Variants in TTC3 observed in about 807,000 individuals in gnomAD.
TTC3 encodes the protein E3 ubiquitin-protein ligase TTC3.
TTC3 carries 180 observed loss-of-function variants against 249.6 expected under a neutral mutation model. That is an observed-to-expected ratio of 0.72 (90% confidence interval 0.64 to 0.82). TTC3 has a LOEUF of 0.82. Among genes scored for constraint, TTC3 ranks in the 40% least tolerant of loss-of-function variants. The pLI is 0.00. For missense variants in TTC3, 2,061 were observed against 2,398.4 expected, an observed-to-expected ratio of 0.86 and a Z score of 2.94; for synonymous variants, 717 against 805.0, an observed-to-expected ratio of 0.89 and a Z score of 1.85.
chr21:37,113,108 A>G (rs1250696600), intron 11 of TTC3, among the ~76,000 whole-genome samples: 1 of 152,254 alleles, frequency 6.6e-6, no homozygotes, highest in Non-Finnish European at 1.5e-5. Context: ...AAAAACTGGA[A>G]GCATTCCCTT....
intron 12 of TTC3, among the ~76,000 whole-genome samples, chr21:37,122,416 TATAATATATATATATATATATTA>T (rs895462819): frequency 2.5e-3 from 179 of 72,264 alleles, no homozygotes; most frequent in Non-Finnish European, 4.2e-3. Flanking sequence ...TATATATATA[TATAATATATATATATATATATTA>T]TATATATATA....
intron 33 of TTC3, 25 bp from the exon 34 acceptor site, chr21:37,167,530 A>C: frequency 2.1e-6 from 3 of 1,419,726 alleles, no homozygotes; most frequent in Non-Finnish European, 2.8e-6. Context: ...GATAAAGTGA[A>C]TTTTATTTTT....
intron 28 of TTC3, chr21:37,159,486 A>C (rs2080471258): frequency 1.8e-6 from 1 of 554,640 alleles, no homozygotes; most frequent in Admixed American, 3.4e-5. Flanking sequence ...CATTATGCTG[A>C]ATCAGATTGA....
At chr21:37,122,247 AT>A (rs1346392224) in intron 12 of TTC3, among the ~76,000 whole-genome samples, 1 of 151,754 alleles carries the variant, frequency 6.6e-6, no homozygotes, top group African/African-American at 2.4e-5. Context: ...AGAAAAAAAA[AT>A]CCCTTTCAGA....
intron 1 of TTC3, among the ~76,000 whole-genome samples, chr21:37,077,153 T>G (rs1216948116): frequency 6.6e-6 from 1 of 151,904 alleles, no homozygotes; most frequent in Non-Finnish European, 1.5e-5. Context: ...ATGCTGGTAA[T>G]AATTATACAT....
chr21:37,124,111 TC>T (rs1193918193), intron 13 of TTC3, among the ~76,000 whole-genome samples: 1 of 111,948 alleles, frequency 8.9e-6, no homozygotes, highest in African/African-American at 3.5e-5. Flanking sequence ...TTTGAACTGT[TC>T]TTTTTTTTTT....
intron 19 of TTC3, 130 bp downstream of exon 19, chr21:37,138,844 A>G (rs981259446): frequency 1.9e-6 from 1 of 540,100 alleles, no homozygotes. Flanking sequence ...TCTCAGTTTA[A>G]TTTAGTTTGT....
In TTC3 at chr21:37,087,815, T is replaced by TAA; in HGVS notation, c.145-17_145-16dup. ...ACATTTTACTAGACACAAATCAAAA[T>TAA]AATTTTCTTCTTTTTAGGGTGTGCA... On this transcript the variant is annotated splice_polypyrimidine_tract_variant and intron_variant, in intron 2 of 45. Transcript: ENST00000355666. The TAA allele has an allele frequency of 6.4e-7, 1 of 1,570,512 alleles. No individual in the cohort carries two copies. Among genetic ancestry groups the TAA allele is most frequent in the Non-Finnish European group, 8.7e-7 (1 of 1,148,882 alleles).
chr21:37,136,448 C>T (rs989960786), intron 18 of TTC3, among the ~76,000 whole-genome samples: 3 of 152,100 alleles, frequency 2.0e-5, no homozygotes, highest in East Asian at 3.9e-4. Context: ...ACTTTCTTGC[C>T]GATGCAGAGA....
intron 18 of TTC3, among the ~76,000 whole-genome samples, chr21:37,137,714 G>A (rs1225923687): frequency 1.3e-5 from 2 of 152,200 alleles, no homozygotes; most frequent in African/African-American, 4.8e-5. Flanking sequence ...AAGTTCTAGT[G>A]TGGGTAAAAT....
intron 7 of TTC3, 24 bp from the exon 8 acceptor site, chr21:37,093,981 C>T: frequency 1.1e-5 from 16 of 1,452,044 alleles, no homozygotes; most frequent in Non-Finnish European, 1.4e-5. Context: ...TTCTCTCTTG[C>T]TCTCTCCTAA....
chr21:37,120,521 G>T (rs997607475), intron 11 of TTC3, among the ~76,000 whole-genome samples: 1 of 152,154 alleles, frequency 6.6e-6, no homozygotes, highest in Non-Finnish European at 1.5e-5. Context: ...TTTGAAGTCC[G>T]TAAATGCTTA....
chr21:37,173,672 C>G (rs942610008), intron 35 of TTC3, among the ~76,000 whole-genome samples: 2 of 152,148 alleles, frequency 1.3e-5, no homozygotes, highest in African/African-American at 2.4e-5. Context: ...AGAAAACTAG[C>G]TTAGTGGGAC....
chr21:37,132,999 G>A (rs2079825242), intron 17 of TTC3, among the ~76,000 whole-genome samples: 1 of 152,042 alleles, frequency 6.6e-6, no homozygotes, highest in South Asian at 2.1e-4. Context: ...ATTGCACTCA[G>A]CTATTATAGA....
At chr21:37,184,529 A>G (rs2083052960) in intron 36 of TTC3, among the ~76,000 whole-genome samples, 1 of 151,492 alleles carries the variant, frequency 6.6e-6, no homozygotes, top group Admixed American at 6.6e-5. Flanking sequence ...ATCTCAGCTC[A>G]CTGCAACCTC....
At chr21:37,096,632 T>C in exon 10 of TTC3, 1 of 1,611,760 alleles carries the variant, frequency 6.2e-7, no homozygotes, top group Non-Finnish European at 8.5e-7. Context: ...TTCTTCGTAC[T>C]GGACAGTTTA....
chr21:37,117,835 C>CAAAAAA (rs60664616), intron 11 of TTC3, among the ~76,000 whole-genome samples: 7 of 73,414 alleles, frequency 9.5e-5, no homozygotes, highest in African/African-American at 1.3e-4. Flanking sequence ...TGCGCCACTT[C>CAAAAAA]AAAAAAAAAA....
At chr21:37,156,872 G>C in exon 28 of TTC3, 1 of 1,613,864 alleles carries the variant, frequency 6.2e-7, no homozygotes, top group Non-Finnish European at 8.5e-7. Flanking sequence ...TCCCAGCATT[G>C]CATAGTGCTT....
At chr21:37,093,044 C>CT (rs1187377183) in intron 7 of TTC3, among the ~76,000 whole-genome samples, 2 of 152,030 alleles carry the variant, frequency 1.3e-5, no homozygotes, top group Non-Finnish European at 2.9e-5. Context: ...ATCTGAAATA[C>CT]CCCAAAATTT....
Sources: gnomAD v4.1 joint callset for allele counts (sites outside exome capture counted in the v4.1 genomes callset) on GRCh38, gnomAD v4.1.1 for gene constraint, MANE v1.5 for transcripts, NCBI Gene and HGNC (gene_info 2026-07-23, HGNC 2026-07-21) for gene names.